The following VPS41 variants were observed in gnomAD, a reference collection of about 807,000 sequenced individuals.
VPS41 encodes vacuolar protein sorting-associated protein 41 homolog.
A neutral mutation model predicts 130.9 loss-of-function variants in VPS41; 85 were observed. That is an observed-to-expected ratio of 0.65 (90% CI 0.55 to 0.78). The LOEUF is 0.78. Ranked by LOEUF, VPS41 falls within the 30% of genes least tolerant of loss-of-function variation. VPS41 has a pLI of 0.00. For missense variants in VPS41, 874 were observed against 1,018.7 expected, an observed-to-expected ratio of 0.86 and a Z score of 1.93; for synonymous variants, 335 against 332.9, an observed-to-expected ratio of 1.01 and a Z score of -0.07.
In VPS41 at chr7:38,756,952, A is replaced by G. The variant is rs200550584; in HGVS notation, c.1581T>C (p.Ala527=). 2.5e-5 allele frequency: 40 copies of G among 1,598,344 alleles called. No individual in the cohort carries two copies. In the East Asian group the frequency reaches 7.0e-4, roughly 28 times the overall value. ...GTCTTAATGTTAAGTATATTTCCAG[A>G]GCATTGCCATAGTTCTTGTCATAGG... is the stretch of plus-strand genomic sequence containing the variant. The part of the protein sequence containing the change: ...LYTYDKNYGN[A]LEIYLTLRHK... The change falls in exon 19 of 29, where the codon GCT becomes GCC. Residue 527 remains alanine (A), a synonymous_variant. Coordinates refer to ENST00000310301, the MANE Select transcript of VPS41 (RefSeq NM_014396.4).
At chr7:38,826,261 C>T (rs1785273433) in intron 5 of VPS41, among the ~76,000 whole-genome samples, 1 of 152,184 alleles carries the variant, frequency 6.6e-6, no homozygotes, top group African/African-American at 2.4e-5. Flanking sequence ...GCAAGTTAGA[C>T]ATTGAATCTG....
Position 38,761,963 on chromosome 7 carries a change from T to C in VPS41, c.1422+1492A>G, listed in dbSNP as rs184460940. Among the ~76,000 whole-genome samples the C allele has an allele frequency of 4.5e-3, 682 of 152,272 alleles. 4 individuals are homozygous for C. The highest frequency in any genetic ancestry group is 0.016 in the African/African-American group (658 of 41,574). On this transcript the variant is annotated intron_variant, in intron 17 of 28. Coordinates refer to ENST00000310301, the MANE Select transcript of VPS41 (RefSeq NM_014396.4). ...AATACCAGCAGCTCACAGTAGCCCC[T>C]AGACCATTAATAATAATGCTCAGGG... is the stretch of plus-strand genomic sequence containing the variant.
intron 2 of VPS41, among the ~76,000 whole-genome samples, chr7:38,894,605 T>C (rs1040112028): frequency 5.3e-5 from 8 of 152,172 alleles, no homozygotes; most frequent in Non-Finnish European, 8.8e-5. Context: ...TAAGATGCTT[T>C]ATGAACATTA....
At chr7:38,892,160 A>AT (rs879294722) in intron 2 of VPS41, among the ~76,000 whole-genome samples, 25 of 148,836 alleles carry the variant, frequency 1.7e-4, no homozygotes, top group South Asian at 8.5e-4. Flanking sequence ...AATTCCAAAG[A>AT]TTTTTTTTTT....
intron 2 of VPS41, among the ~76,000 whole-genome samples, chr7:38,894,211 T>C (rs6971632): frequency 0.89 from 134,920 of 152,142 alleles, 59,901 homozygotes; most frequent in East Asian, 1. Context: ...GAATCTCTGG[T>C]GGACTGAGTG....
chr7:38,892,851 T>A (rs920318181), intron 2 of VPS41, among the ~76,000 whole-genome samples: 1 of 152,206 alleles, frequency 6.6e-6, no homozygotes, highest in Non-Finnish European at 1.5e-5. Flanking sequence ...GGAATCTTCC[T>A]GACTCCCCAT....
rs1372645817 is a variant in VPS41, at chr7:38,724,412, T to C, written c.*1834A>G. ...CAGTGTAGCAGAAAGCACACTAGTC[T>C]TGGGATAAGGAAATGCTGAGAAGGC... On this transcript the variant is annotated 3_prime_UTR_variant, in exon 29 of 29. Coordinates refer to ENST00000310301, the MANE Select transcript of VPS41 (RefSeq NM_014396.4). The C allele has an allele frequency of 2.6e-5, 4 of 152,170 alleles. No individual in the cohort carries two copies. Among genetic ancestry groups the C allele is most frequent in the Non-Finnish European group, 5.9e-5 (4 of 68,030 alleles). 9.4% of individuals were successfully genotyped at this position (152,170 alleles called of 1,614,324 possible).
At chr7:38,753,360 T>C (rs570340534) in intron 21 of VPS41, among the ~76,000 whole-genome samples, 1 of 152,206 alleles carries the variant, frequency 6.6e-6, no homozygotes, top group East Asian at 1.9e-4. Flanking sequence ...TCAGGCTTCC[T>C]GTTCACTTCT....
At chr7:38,812,858 A>T (rs1202558285) in intron 7 of VPS41, among the ~76,000 whole-genome samples, 1 of 152,196 alleles carries the variant, frequency 6.6e-6, no homozygotes, top group Admixed American at 6.5e-5. Context: ...TACCAGAGTG[A>T]TTATAATCAA....
At chr7:38,834,984 C>T (rs1219688956) in intron 4 of VPS41, among the ~76,000 whole-genome samples, 1 of 151,794 alleles carries the variant, frequency 6.6e-6, no homozygotes, top group East Asian at 1.9e-4. Flanking sequence ...ACTATTACTA[C>T]TAAGTTAATA....
At chr7:38,744,906 G>A (rs1795957329) in intron 23 of VPS41, among the ~76,000 whole-genome samples, 1 of 152,192 alleles carries the variant, frequency 6.6e-6, no homozygotes, top group African/African-American at 2.4e-5. Context: ...CCCTACTGAG[G>A]TCAGCAGGGA....
At chr7:38,787,203 T>G (rs1412228530) in intron 10 of VPS41, among the ~76,000 whole-genome samples, 1 of 152,172 alleles carries the variant, frequency 6.6e-6, no homozygotes, top group Non-Finnish European at 1.5e-5. Flanking sequence ...ATTAATTCCT[T>G]GCATGTAAGT....
At chr7:38,890,563 C>T (rs1786838274) in intron 2 of VPS41, among the ~76,000 whole-genome samples, 2 of 152,182 alleles carry the variant, frequency 1.3e-5, no homozygotes, top group Non-Finnish European at 1.5e-5. Context: ...CGGGTGAAAT[C>T]CAAATAAGGT....
chr7:38,742,717 T>C (rs987260883), intron 24 of VPS41, among the ~76,000 whole-genome samples: 16 of 151,136 alleles, frequency 1.1e-4, no homozygotes, highest in East Asian at 3.9e-4. Flanking sequence ...AAAGTCAATT[T>C]CAGATTAAGG....
chr7:38,761,306 C>T (rs1288309623), intron 17 of VPS41, among the ~76,000 whole-genome samples: 2 of 111,706 alleles, frequency 1.8e-5, no homozygotes, highest in Non-Finnish European at 3.4e-5. Context: ...GGTGGTGTTT[C>T]GCTCTGTCGC....
Position 38,777,272 on chromosome 7 carries a change from TA to T in VPS41, c.785-497del, listed in dbSNP as rs372863512. ...GGATATTATTTAAAGAACTTGAAGT[TA>T]AAAAAAGATGCATAAATACAGATTA... On this transcript the variant is annotated intron_variant, in intron 10 of 28. Transcript: ENST00000310301. Among the ~76,000 whole-genome samples the T allele has an allele frequency of 4.5e-3, 685 of 152,114 alleles. 4 individuals are homozygous for T. Among genetic ancestry groups the T allele is most frequent in the African/African-American group, 0.016 (660 of 41,504 alleles).
chr7:38,804,413 T>TA (rs1241721134), intron 7 of VPS41, among the ~76,000 whole-genome samples: 2 of 152,210 alleles, frequency 1.3e-5, no homozygotes. Context: ...AGCTCCCACT[T>TA]ACAAATGAGA....
intron 25 of VPS41, among the ~76,000 whole-genome samples, chr7:38,737,349 C>T (rs1004204925): frequency 6.6e-6 from 1 of 151,676 alleles, no homozygotes; most frequent in Non-Finnish European, 1.5e-5. Context: ...TCCAGCCTGG[C>T]GACAGAGCAA....
chr7:38,759,002 C>T (rs570215206), intron 17 of VPS41, among the ~76,000 whole-genome samples: 1 of 152,352 alleles, frequency 6.6e-6, no homozygotes, highest in African/African-American at 2.4e-5. Context: ...CATCTGTATC[C>T]TTTGCAATAT....
Sources: gnomAD v4.1 joint callset for allele counts (sites outside exome capture counted in the v4.1 genomes callset) on GRCh38, gnomAD v4.1.1 for gene constraint, MANE v1.5 for transcripts, NCBI Gene and HGNC (gene_info 2026-07-23, HGNC 2026-07-21) for gene names.